The following MYO1E variants were observed in gnomAD, a reference collection of about 807,000 sequenced individuals.
MYO1E encodes the protein unconventional myosin-Ie.
In MYO1E, 68 loss-of-function variants were observed where a neutral mutation model predicts 151.1. The ratio of observed to expected loss-of-function variants is 0.45; its 90% CI spans 0.37 to 0.55. MYO1E has a LOEUF of 0.55. Among genes scored for constraint, MYO1E ranks in the 20% least tolerant of loss-of-function variants. The probability of loss-of-function intolerance (pLI) is 0.00; values close to 1 mark genes in which losing one functional copy is unlikely to be tolerated. For missense variants in MYO1E, 1,363 were observed against 1,389.3 expected (o/e 0.98, Z 0.30); for synonymous variants, 601 against 501.7 (o/e 1.20, Z -2.64).
At chr15:59,140,250 A>G (rs1156981249) in intron 26 of MYO1E, among the ~76,000 whole-genome samples, 1 of 152,132 alleles carries the variant, frequency 6.6e-6, no homozygotes, top group Admixed American at 6.5e-5. Context: ...TATTCTTCCT[A>G]TATACTATGC....
chr15:59,335,965 C>CA (rs2080725901), intron 1 of MYO1E, among the ~76,000 whole-genome samples: 1 of 147,340 alleles, frequency 6.8e-6, no homozygotes, highest in Non-Finnish European at 1.5e-5. Context: ...TCTGGTCACA[C>CA]AAAAAAACAA....
In MYO1E at chr15:59,136,688, AAC is replaced by A. The variant is rs769560777; in HGVS notation, c.*690_*691del. 6 of 456,392 alleles carry A rather than the reference AAC, an allele frequency of 1.3e-5. No homozygotes were observed. The highest frequency in any genetic ancestry group is 4.6e-5 in the South Asian group (3 of 64,570). 28.3% of individuals were successfully genotyped at this position (456,392 alleles called of 1,614,324 possible). On this transcript the variant is annotated 3_prime_UTR_variant, in exon 28 of 28. Coordinates refer to ENST00000288235, the MANE Select transcript of MYO1E (RefSeq NM_004998.4). ...CTTCTTGTAGTAAGTACAGCATTTA[AAC>A]ACAAACCAATATGGGCCAGCCACAT...
At chr15:59,168,489 G>C (rs1303631978) in intron 22 of MYO1E, among the ~76,000 whole-genome samples, 2 of 152,046 alleles carry the variant, frequency 1.3e-5, no homozygotes, top group Admixed American at 1.3e-4. Context: ...AGGCTGCAGT[G>C]AGCCGAGATT....
intron 13 of MYO1E, among the ~76,000 whole-genome samples, chr15:59,210,240 G>C (rs1256964066): frequency 6.6e-6 from 1 of 151,962 alleles, no homozygotes; most frequent in Non-Finnish European, 1.5e-5. Context: ...CTCTTTCCAT[G>C]CTAAGTCATC....
At chr15:59,366,824 C>T (rs1381511589) in intron 1 of MYO1E, among the ~76,000 whole-genome samples, 2 of 152,028 alleles carry the variant, frequency 1.3e-5, no homozygotes, top group African/African-American at 4.8e-5. Context: ...ACAGAATGTG[C>T]TTATAAGGCT....
At chr15:59,182,427 G>A (rs559218707) in intron 18 of MYO1E, among the ~76,000 whole-genome samples, 12 of 152,072 alleles carry the variant, frequency 7.9e-5, no homozygotes, top group Non-Finnish European at 1.5e-4. Flanking sequence ...TGGTCAGGCT[G>A]GTCCTGAACT....
At position 59,137,419 on chromosome 15, in the gene MYO1E, C is replaced by T; in HGVS notation, c.3288G>A (p.Lys1096=). 1 of 1,614,152 alleles carries T rather than the reference C, an allele frequency of 6.2e-7. No individual in the cohort carries two copies. The highest frequency in any genetic ancestry group is 1.1e-5 in the South Asian group (1 of 91,076). The change falls in exon 28 of 28, where the codon AAG becomes AAA. Residue 1096 remains lysine (K), a synonymous_variant. Transcript: ENST00000288235. ...SGWWTGRLRG[K]QGLFPNNYVT... ...CATAGTTGTTGGGGAACAGGCCCTGCTTGCCTCGTAGTCGACCCGTCCACC... is the reference window on the plus strand; with the variant it reads ...CATAGTTGTTGGGGAACAGGCCCTGTTTGCCTCGTAGTCGACCCGTCCACC...
chr15:59,348,433 T>C (rs1456428582), intron 1 of MYO1E, among the ~76,000 whole-genome samples: 3 of 152,156 alleles, frequency 2.0e-5, no homozygotes, highest in Non-Finnish European at 2.9e-5. Context: ...TAAACATCCA[T>C]CAACAGTGGC....
At chr15:59,370,333 A>T (rs1196228806) in intron 1 of MYO1E, among the ~76,000 whole-genome samples, 1 of 152,258 alleles carries the variant, frequency 6.6e-6, no homozygotes, top group African/African-American at 2.4e-5. Flanking sequence ...ATGATGCTCT[A>T]TTCTAAGGCA....
At chr15:59,210,837 G>A (rs2079874406) in intron 12 of MYO1E, among the ~76,000 whole-genome samples, 2 of 152,042 alleles carry the variant, frequency 1.3e-5, no homozygotes, top group African/African-American at 4.8e-5. Context: ...ACTGTTTCTG[G>A]CCAAAGAAAA....
chr15:59,323,732 C>T (rs998966553), intron 1 of MYO1E, among the ~76,000 whole-genome samples: 2 of 152,032 alleles, frequency 1.3e-5, no homozygotes, highest in Non-Finnish European at 2.9e-5. Flanking sequence ...ACTGATGTTG[C>T]TGTGTGCTAC....
At chr15:59,352,057 T>C (rs2080826409) in intron 1 of MYO1E, among the ~76,000 whole-genome samples, 2 of 152,310 alleles carry the variant, frequency 1.3e-5, no homozygotes, top group Middle Eastern at 3.4e-3. Flanking sequence ...AAGTATAGCA[T>C]GGACAGCAGC....
intron 25 of MYO1E, among the ~76,000 whole-genome samples, chr15:59,154,086 G>A (rs967598046): frequency 1.1e-4 from 16 of 152,186 alleles, no homozygotes; most frequent in African/African-American, 2.9e-4. Flanking sequence ...GGAACACAGC[G>A]GACACTCAGC....
At chr15:59,341,179 C>A (rs1001728915) in intron 1 of MYO1E, 1 of 151,958 alleles carries the variant, frequency 6.6e-6, no homozygotes, top group Non-Finnish European at 1.5e-5. Context: ...AATGGGGTAT[C>A]CACACCCTCA....
At position 59,179,902 on chromosome 15, in the gene MYO1E, C is replaced by T. The variant is rs564088129; in HGVS notation, c.1905-1365G>A. Among the ~76,000 whole-genome samples, 60 of 152,358 alleles carry T rather than the reference C, an allele frequency of 3.9e-4. No individual in the cohort carries two copies. In the South Asian group the frequency reaches 9.1e-3, roughly 23 times the overall value. On this transcript the variant is annotated intron_variant, in intron 18 of 27. Transcript: ENST00000288235. Reference sequence around the variant, plus strand: ...GTGTGAAGTTGGAGGGCGTGGCCCACGTGAGAGCACATCCAGGGCCCAGGC... The same window carrying T: ...GTGTGAAGTTGGAGGGCGTGGCCCATGTGAGAGCACATCCAGGGCCCAGGC...
rs1251829903 is a variant in MYO1E, at chr15:59,151,052, C to CGT, written c.3080+2537_3080+2538insAC. ...ACACACACACACACACACACACACG[C>CGT]GCGCGCGCGCACGTGCACTTAGAGA... On this transcript the variant is annotated intron_variant, in intron 26 of 27. Transcript: ENST00000288235. Among the ~76,000 whole-genome samples, 19 of 139,352 alleles carry CGT rather than the reference C, an allele frequency of 1.4e-4. No homozygotes were observed. The South Asian group carries it at 2.2e-3, about 16-fold the overall frequency. 91.4% of individuals were successfully genotyped at this position (139,352 alleles called of 152,430 possible).
chr15:59,277,831 G>A (rs759133319), intron 1 of MYO1E, among the ~76,000 whole-genome samples: 97 of 152,236 alleles, frequency 6.4e-4, no homozygotes, highest in Non-Finnish European at 1.2e-3. Flanking sequence ...GTCAATATGT[G>A]GAATACATAT....
intron 26 of MYO1E, among the ~76,000 whole-genome samples, chr15:59,151,059 G>GCA (rs2079474608): frequency 3.4e-5 from 5 of 146,536 alleles, no homozygotes; most frequent in African/African-American, 7.9e-5. Flanking sequence ...ACGCGCGCGC[G>GCA]CGCACGTGCA....
At chr15:59,188,793 G>C (rs2079715299) in intron 17 of MYO1E, among the ~76,000 whole-genome samples, 1 of 152,036 alleles carries the variant, frequency 6.6e-6, no homozygotes, top group African/African-American at 2.4e-5. Flanking sequence ...GTAACACAAA[G>C]ACCCATCTAT....
Sources: allele counts gnomAD v4.1 joint callset (sites outside exome capture counted in the v4.1 genomes callset), GRCh38; gene constraint gnomAD v4.1.1; transcripts MANE v1.5; gene names NCBI Gene and HGNC (gene_info 2026-07-23, HGNC 2026-07-21).